Variants in PTPRM observed in about 807,000 individuals in gnomAD.
PTPRM encodes the protein receptor-type tyrosine-protein phosphatase mu.
Under a neutral mutation model 186.7 loss-of-function variants are expected in PTPRM, and 47 were observed. That is an observed-to-expected ratio of 0.25 (90% CI 0.20 to 0.32). The LOEUF (loss-of-function observed/expected upper bound fraction) is 0.32, where lower values mean the gene tolerates loss of function less well. PTPRM is among the 10% of genes least tolerant of loss of function. The probability of loss-of-function intolerance (pLI) is 1.00; values close to 1 mark genes in which losing one functional copy is unlikely to be tolerated. For missense variants in PTPRM, 1,494 were observed against 1,865.0 expected (o/e 0.80, Z 3.66); for synonymous variants, 668 against 674.9 (o/e 0.99, Z 0.16).
intron 2 of PTPRM, among the ~76,000 whole-genome samples, chr18:7,881,526 T>C (rs1009706067): frequency 2.6e-5 from 4 of 152,240 alleles, no homozygotes; most frequent in Non-Finnish European, 5.9e-5. Context: ...GCACTGCCTT[T>C]GCAGTTTGAA....
rs76677783 is a variant in PTPRM at position 8,119,588 on chromosome 18, A to G, written c.2167+4761A>G. Among the ~76,000 whole-genome samples the G allele has an allele frequency of 7.9e-5, 12 of 152,294 alleles. No individual in the cohort carries two copies. The East Asian group carries it at 1.7e-3, about 22-fold the overall frequency. On this transcript the variant is annotated intron_variant, in intron 13 of 32. Coordinates refer to ENST00000580170, the MANE Select transcript of PTPRM (RefSeq NM_001105244.2). ...AAAATGTACTTTTTTCATGTCTGAA[A>G]TAGTCTTTATAATGTACATCATGAG...
chr18:7,829,867 CT>C (rs572894067), intron 2 of PTPRM, among the ~76,000 whole-genome samples: 31 of 152,208 alleles, frequency 2.0e-4, no homozygotes, highest in African/African-American at 7.0e-4. Context: ...TATCTATTTA[CT>C]TTCCCCCCTT....
At chr18:8,195,578 A>G (rs776196369) in intron 14 of PTPRM, among the ~76,000 whole-genome samples, 3 of 152,220 alleles carry the variant, frequency 2.0e-5, no homozygotes, top group Non-Finnish European at 2.9e-5. Context: ...GAAAGAAGTC[A>G]TGTCTTTGCA....
intron 2 of PTPRM, among the ~76,000 whole-genome samples, chr18:7,775,182 A>G (rs1379786104): frequency 1.3e-5 from 2 of 152,250 alleles, no homozygotes; most frequent in Non-Finnish European, 2.9e-5. Context: ...GTTTAACAGT[A>G]TGATGCTCAC....
At chr18:7,845,465 G>A (rs1418282310) in intron 2 of PTPRM, among the ~76,000 whole-genome samples, 3 of 152,052 alleles carry the variant, frequency 2.0e-5, no homozygotes, top group South Asian at 4.2e-4. Flanking sequence ...TATGTGAAAA[G>A]CATCTCACTC....
chr18:8,215,961 A>G (rs2094079380), intron 14 of PTPRM, among the ~76,000 whole-genome samples: 1 of 152,302 alleles, frequency 6.6e-6, no homozygotes, highest in South Asian at 2.1e-4. Flanking sequence ...CTGTCTGTCA[A>G]TAACCAGGTT....
At chr18:8,129,041 C>A (rs1317576844) in intron 13 of PTPRM, among the ~76,000 whole-genome samples, 1 of 151,850 alleles carries the variant, frequency 6.6e-6, no homozygotes, top group Non-Finnish European at 1.5e-5. Flanking sequence ...TGGTGTATTA[C>A]GCATATCCAA....
Position 7,906,552 on chromosome 18 carries a change from C to A in PTPRM, c.516C>A (p.Ile172=), listed in dbSNP as rs756987509. Residue 172 remains isoleucine, a synonymous_variant, in exon 4 of 33, where the codon ATC becomes ATA. Transcript: ENST00000580170. ...ITSGHQGYLA[I]DEVKVLGHPC... ...CTGGACATCAAGGCTATCTCGCTAT[C>A]GATGAGGTGAAGGTGTTAGGACATC... 1 of 1,613,504 alleles carries A rather than the reference C, an allele frequency of 6.2e-7. No homozygotes were observed. Among genetic ancestry groups the A allele is most frequent in the East Asian group, 2.2e-5 (1 of 44,874 alleles).
At chr18:8,384,332 C>A (rs1765872819) in intron 29 of PTPRM, among the ~76,000 whole-genome samples, 2 of 152,208 alleles carry the variant, frequency 1.3e-5, no homozygotes, top group African/African-American at 4.8e-5. Context: ...GTAGCACACA[C>A]CTGTGGCCCC....
intron 7 of PTPRM, among the ~76,000 whole-genome samples, chr18:8,029,370 C>T (rs2085799291): frequency 7.2e-6 from 1 of 139,672 alleles, no homozygotes; most frequent in Non-Finnish European, 1.5e-5. Context: ...GCCATCAGTG[C>T]CCCTCCCTAA....
intron 2 of PTPRM, among the ~76,000 whole-genome samples, chr18:7,792,214 A>G (rs1367173158): frequency 1.3e-5 from 2 of 152,250 alleles, no homozygotes; most frequent in East Asian, 3.8e-4. Flanking sequence ...TGTTGGTACC[A>G]GTAGGTACTT....
At chr18:7,604,340 G>A (rs2037478346) in intron 1 of PTPRM, among the ~76,000 whole-genome samples, 1 of 152,224 alleles carries the variant, frequency 6.6e-6, no homozygotes, top group Non-Finnish European at 1.5e-5. Flanking sequence ...TTCGTGACCA[G>A]TTTGGACATA....
intron 7 of PTPRM, among the ~76,000 whole-genome samples, chr18:8,023,361 A>G (rs5000485): frequency 0.65 from 99,200 of 152,060 alleles, 32,722 homozygotes; most frequent in African/African-American, 0.74. Flanking sequence ...AGGAGTAGGG[A>G]TTGCTGATAC....
At chr18:7,831,303 AT>A (rs1222102158) in intron 2 of PTPRM, among the ~76,000 whole-genome samples, 2 of 152,170 alleles carry the variant, frequency 1.3e-5, no homozygotes, top group African/African-American at 4.8e-5. Flanking sequence ...TCAATAAAAA[AT>A]ATATTTATTT....
chr18:8,103,190 A>G (rs1383864638), intron 11 of PTPRM, among the ~76,000 whole-genome samples: 2 of 152,190 alleles, frequency 1.3e-5, no homozygotes, highest in African/African-American at 2.4e-5. Flanking sequence ...GTAAATGAGC[A>G]TTGGCTTTAA....
At chr18:8,355,944 C>G (rs570866452) in intron 23 of PTPRM, among the ~76,000 whole-genome samples, 21 of 152,272 alleles carry the variant, frequency 1.4e-4, no homozygotes, top group African/African-American at 4.3e-4. Flanking sequence ...ATTCTAATAA[C>G]AAGGATAGAA....
chr18:8,209,366 G>T (rs62091308), intron 14 of PTPRM, among the ~76,000 whole-genome samples: 52,372 of 151,848 alleles, frequency 0.34, 10,084 homozygotes, highest in East Asian at 0.8. Context: ...GGACCAACAG[G>T]GTTTGCTGAT....
chr18:7,821,492 A>G (rs1473112872), intron 2 of PTPRM, among the ~76,000 whole-genome samples: 1 of 152,172 alleles, frequency 6.6e-6, no homozygotes, highest in Non-Finnish European at 1.5e-5. Flanking sequence ...CACAAGAGAT[A>G]CGTTCCAAGT....
At chr18:7,771,784 T>G (rs2042279815) in intron 1 of PTPRM, among the ~76,000 whole-genome samples, 1 of 152,164 alleles carries the variant, frequency 6.6e-6, no homozygotes, top group Admixed American at 6.5e-5. Context: ...AGCATGCTCA[T>G]CAGATTTGCA....
Sources: allele counts gnomAD v4.1 joint callset (sites outside exome capture counted in the v4.1 genomes callset), GRCh38; gene constraint gnomAD v4.1.1; transcripts MANE v1.5; gene names NCBI Gene and HGNC (gene_info 2026-07-23, HGNC 2026-07-21).